The following COPG1 variants were observed in gnomAD, a reference collection of about 807,000 sequenced individuals.
COPG1 encodes coatomer subunit gamma-1.
In COPG1, 29 loss-of-function variants were observed where a neutral mutation model predicts 102.8. The ratio of observed to expected loss-of-function variants is 0.28; its 90% CI spans 0.21 to 0.38. The LOEUF is 0.38. COPG1 is among the 10% of genes least tolerant of loss of function. The pLI is 1.00. For missense variants in COPG1, 875 were observed against 1,132.7 expected (o/e 0.77, Z 3.27); for synonymous variants, 406 against 421.6 (o/e 0.96, Z 0.45).
chr3:129,275,388 C>A lies in COPG1; in HGVS notation c.2494+96C>A. 4.9e-6 allele frequency: 4 copies of A among 817,120 alleles called. No individual in the cohort carries two copies. The South Asian group carries it at 4.9e-5, about 10-fold the overall frequency. 50.6% of individuals were successfully genotyped at this position (817,120 alleles called of 1,614,324 possible). On this transcript the variant is annotated intron_variant, in intron 23 of 23. Transcript: ENST00000314797. The surrounding 1 kb of genome is among the most constrained non-coding windows in gnomAD (Gnocchi z 5.0). ...GGACTCCACTGTAAATATGGGGAGT[C>A]AAAATTCACAGCATTTAAAATTCAC...
At chr3:129,268,737 A>G (rs943995655) in intron 17 of COPG1, 117 bp downstream of exon 17, 45 of 1,312,876 alleles carry the variant, frequency 3.4e-5, no homozygotes, top group Non-Finnish European at 4.5e-5. Context: ...GGGAGGAGGA[A>G]ATGATCTTTT....
intron 13 of COPG1, among the ~76,000 whole-genome samples, chr3:129,264,850 C>T (rs111619955): frequency 0.072 from 10,817 of 151,078 alleles, 1,209 homozygotes; most frequent in African/African-American, 0.24. Flanking sequence ...GAGTAGGAGT[C>T]TCGTTCTGCT....
rs914227823 is a variant in COPG1 at position 129,272,340 on chromosome 3, G to A, written c.2083G>A (p.Ala695Thr). Reference sequence around the variant, plus strand: ...CTATGAGGTGCTCTGTTACGTGCCTGCCCGGAGCCTGCCCTACAACCAGCC... The same window carrying A: ...CTATGAGGTGCTCTGTTACGTGCCTACCCGGAGCCTGCCCTACAACCAGCC... ...EAYEVLCYVP[A>T]RSLPYNQPGT... The change falls in exon 20 of 24, where the codon GCC becomes ACC. Residue 695 changes from alanine to threonine, a missense_variant. Ala to Thr is a moderately conservative substitution (Grantham distance 58). Coordinates refer to ENST00000314797, the MANE Select transcript of COPG1 (RefSeq NM_016128.4). 2 of 1,614,128 alleles carry A rather than the reference G, an allele frequency of 1.2e-6. No individual in the cohort carries two copies. Among genetic ancestry groups the A allele is most frequent in the Middle Eastern group, 1.6e-4 (1 of 6,062 alleles).
intron 11 of COPG1, 91 bp from the exon 12 acceptor site, chr3:129,260,528 C>T (rs546335559): frequency 1.3e-6 from 2 of 1,516,292 alleles, no homozygotes; most frequent in South Asian, 1.2e-5. Context: ...GTGAGATGAT[C>T]TCATCCAAAG....
At chr3:129,252,808 G>A (rs1939727290) in intron 4 of COPG1, 68 bp from the exon 5 acceptor site, 5 of 1,563,094 alleles carry the variant, frequency 3.2e-6, no homozygotes, top group Admixed American at 3.4e-5. Flanking sequence ...GGAGACAGGA[G>A]GTATCTTCTC....
Position 129,260,650 on chromosome 3 carries a change from C to CT in COPG1, c.973dup (p.Cys325LeufsTer2). On this transcript the variant is annotated frameshift_variant, in exon 12 of 24. Transcript: ENST00000314797. LOFTEE classifies it high-confidence loss of function. ...ATGAAGCATCCGTCAGCTGTGACAG[C>CT]TTGTAATCTGGATCTGGAGAACCTG... 6.2e-7 allele frequency: 1 copy of CT among 1,614,194 alleles called. No individual in the cohort carries two copies. Among genetic ancestry groups the CT allele is most frequent in the Non-Finnish European group, 8.5e-7 (1 of 1,180,046 alleles).
intron 20 of COPG1, among the ~76,000 whole-genome samples, 162 bp downstream of exon 20, chr3:129,272,577 A>AT (rs1560068376): frequency 1.4e-4 from 22 of 151,898 alleles, no homozygotes; most frequent in African/African-American, 5.1e-4. Context: ...CTTCTTTAAA[A>AT]ATTTTTTTTT....
intron 17 of COPG1, 131 bp downstream of exon 17, chr3:129,268,751 C>A: frequency 8.2e-7 from 1 of 1,222,890 alleles, no homozygotes; most frequent in Non-Finnish European, 1.2e-6. Context: ...ATCTTTTCCA[C>A]CTCTGGCTCC....
chr3:129,260,977 C>T (rs528117076), intron 12 of COPG1, among the ~76,000 whole-genome samples, 170 bp downstream of exon 12: 5 of 152,316 alleles, frequency 3.3e-5, no homozygotes, highest in East Asian at 1.9e-4. Context: ...GAGAAATGTG[C>T]GTAGTCCTGC....
intron 23 of COPG1, among the ~76,000 whole-genome samples, chr3:129,276,257 G>A (rs1435549427): frequency 2.0e-5 from 3 of 152,084 alleles, no homozygotes; most frequent in Non-Finnish European, 2.9e-5. Flanking sequence ...AAATGTTGAG[G>A]CATTTGTATT....
intron 12 of COPG1, among the ~76,000 whole-genome samples, chr3:129,263,573 A>G (rs187420519): frequency 7.4e-4 from 113 of 152,276 alleles, no homozygotes; most frequent in Middle Eastern, 3.4e-3. Flanking sequence ...GATGGGTGGG[A>G]ACCATCAGTG....
rs1940243273 is a variant in COPG1 at position 129,275,228 on chromosome 3, G to A, written c.2430G>A (p.Met810Ile). Residue 810 changes from methionine (M) to isoleucine (I), a missense_variant, in exon 23 of 24, where the codon ATG becomes ATA. Met to Ile is a conservative substitution (Grantham distance 10). Transcript: ENST00000314797. The surrounding 1 kb of genome is among the most constrained non-coding windows in gnomAD (Gnocchi z 5.0). ...AVGNIVKFLG[M>I]HPCERSDKVP... ...GTAATATTGTGAAGTTCTTGGGAATGCACCCTTGTGAGAGGTCAGACAAAG... is the reference window on the plus strand; with the variant it reads ...GTAATATTGTGAAGTTCTTGGGAATACACCCTTGTGAGAGGTCAGACAAAG... 1.2e-6 allele frequency: 2 copies of A among 1,614,064 alleles called. No individual in the cohort carries two copies. The highest frequency in any genetic ancestry group is 1.3e-5 in the African/African-American group (1 of 74,940).
Position 129,277,498 on chromosome 3 carries a change from C to T in COPG1, c.*74C>T, listed in dbSNP as rs1940300288. On this transcript the variant is annotated 3_prime_UTR_variant, in exon 24 of 24. Coordinates refer to ENST00000314797, the MANE Select transcript of COPG1 (RefSeq NM_016128.4). The stretch of plus-strand genomic sequence containing the variant: ...AGTTGTGCCTTCCTCATGAAACTGG[C>T]AGAAACCCCTTCCCAAGCTTCTGTA... The T allele has an allele frequency of 2.2e-5, 32 of 1,479,058 alleles. No individual in the cohort carries two copies. Among genetic ancestry groups the T allele is most frequent in the Non-Finnish European group, 2.9e-5 (31 of 1,075,462 alleles). 91.6% of individuals were successfully genotyped at this position (1,479,058 alleles called of 1,614,324 possible). A position where few individuals can be genotyped will look rare whatever the true frequency, so the allele number is the denominator to read the frequency against.
At chr3:129,268,820 C>T (rs1940122351) in intron 17 of COPG1, 112 bp from the exon 18 acceptor site, 1 of 1,166,458 alleles carries the variant, frequency 8.6e-7, no homozygotes, top group Non-Finnish European at 1.3e-6. Flanking sequence ...TTCTGCTTCC[C>T]ACTCTCAGGA....
At chr3:129,274,708 G>GTC in intron 21 of COPG1, 130 bp from the exon 22 acceptor site, 6 of 1,071,204 alleles carry the variant, frequency 5.6e-6, no homozygotes, top group Non-Finnish European at 8.2e-6. Flanking sequence ...TGTCCCCAGA[G>GTC]TCTAGCACAG....
In COPG1 at chr3:129,267,083, T is replaced by C. The variant is rs1189863519; in HGVS notation, c.1528T>C (p.Leu510=). The C allele has an allele frequency of 6.2e-7, 1 of 1,613,784 alleles. No individual in the cohort carries two copies. The highest frequency in any genetic ancestry group is 8.5e-7 in the Non-Finnish European group (1 of 1,179,816). ...GAATGAAGAGATGTTACCCAGTATC[T>C]TGGTGTTGCTGAAGAGGTGAGTCTA... is the stretch of plus-strand genomic sequence containing the variant. The part of the protein sequence containing the change: ...AQNEEMLPSI[L]VLLKRCVMDD... The change falls in exon 15 of 24, where the codon TTG becomes CTG. Residue 510 remains leucine (L), a synonymous_variant. Coordinates refer to ENST00000314797, the MANE Select transcript of COPG1 (RefSeq NM_016128.4).
chr3:129,273,320 G>A (rs751172016), intron 21 of COPG1, among the ~76,000 whole-genome samples: 1 of 152,158 alleles, frequency 6.6e-6, no homozygotes, highest in Non-Finnish European at 1.5e-5. Context: ...CACCGCGCCC[G>A]GCCTAAAATA....
chr3:129,263,857 C>T, intron 12 of COPG1, 47 bp from the exon 13 acceptor site: 1 of 1,540,368 alleles, frequency 6.5e-7, no homozygotes, highest in Admixed American at 1.7e-5. Flanking sequence ...TGAGTCACCC[C>T]ATCTTGGTGG....
At chr3:129,277,161 G>T in intron 23 of COPG1, 133 bp from the exon 24 acceptor site, 1 of 876,034 alleles carries the variant, frequency 1.1e-6, no homozygotes, top group Non-Finnish European at 1.8e-6. Flanking sequence ...CTCACTCAGG[G>T]ATTTCAGCCC....
Sources: allele counts gnomAD v4.1 joint callset (sites outside exome capture counted in the v4.1 genomes callset), GRCh38; gene constraint gnomAD v4.1.1; non-coding constraint Gnocchi (gnomAD v3.1); transcripts MANE v1.5; gene names NCBI Gene and HGNC (gene_info 2026-07-23, HGNC 2026-07-21).